Variants in AFM observed in about 807,000 individuals in gnomAD.
The protein encoded by AFM is afamin.
In AFM, 82 loss-of-function variants were observed where a neutral mutation model predicts 68.7. The ratio of observed to expected loss-of-function variants is 1.19; its 90% CI spans 1.00 to 1.43. The LOEUF is 1.43. Among genes scored for constraint, AFM ranks in the 40% most tolerant of loss-of-function variants. The probability of loss-of-function intolerance (pLI) is 0.00; values close to 1 mark genes in which losing one functional copy is unlikely to be tolerated. For synonymous variants in AFM, 250 were observed against 234.2 expected (o/e 1.07, Z -0.61); for missense variants, 772 against 701.8 (o/e 1.10, Z -1.13).
intron 12 of AFM, among the ~76,000 whole-genome samples, chr4:73,500,992 G>T (rs1269726306): frequency 6.6e-6 from 1 of 152,036 alleles, no homozygotes; most frequent in East Asian, 1.9e-4. Flanking sequence ...TTAGATCGAA[G>T]GATGGGCATA....
At chr4:73,486,330 A>T (rs1315766779) in intron 4 of AFM, among the ~76,000 whole-genome samples, 2 of 152,218 alleles carry the variant, frequency 1.3e-5, no homozygotes, top group African/African-American at 4.8e-5. Context: ...AGAGGTGTGT[A>T]CATGGTGTTA....
chr4:73,488,535 CT>C, intron 6 of AFM, 94 bp from the exon 7 acceptor site: 1 of 1,118,224 alleles, frequency 8.9e-7, no homozygotes, highest in Non-Finnish European at 1.3e-6. Flanking sequence ...GGTGGCAATA[CT>C]TTTTGTAGCT....
intron 9 of AFM, among the ~76,000 whole-genome samples, chr4:73,496,557 G>C (rs1170766099): frequency 6.6e-6 from 1 of 152,184 alleles, no homozygotes; most frequent in Non-Finnish European, 1.5e-5. Context: ...CCCCACAACA[G>C]TGCTTGGAAA....
chr4:73,503,833 T>G (rs1577983261), intron 14 of AFM, 43 bp from the exon 15 acceptor site: 2 of 152,102 alleles, frequency 1.3e-5, no homozygotes, highest in African/African-American at 4.8e-5. Flanking sequence ...CTTTCAACAT[T>G]TCATGTTTTT....
Position 73,487,280 on chromosome 4 carries a change from T to A in AFM, c.615+181T>A, listed in dbSNP as rs146193180. 1.4e-4 allele frequency among the ~76,000 whole-genome samples: 21 copies of A among 152,352 alleles called. No homozygotes were observed. The South Asian group carries it at 3.7e-3, about 27-fold the overall frequency. On this transcript the variant is annotated intron_variant, in intron 5 of 14. Transcript: ENST00000226355. ...TCTAAATATTCTCTTTACTTGAGAC[T>A]CTTGAATGACAGCCAGTCATTTTCA... is the stretch of plus-strand genomic sequence containing the variant.
At chr4:73,494,502 G>A (rs776414335) in intron 8 of AFM, among the ~76,000 whole-genome samples, 13 of 152,080 alleles carry the variant, frequency 8.5e-5, no homozygotes, top group South Asian at 2.1e-4. Flanking sequence ...AACATCCCAG[G>A]GGACTTAGGG....
Position 73,486,060 on chromosome 4 carries a change from T to A in AFM, c.469T>A (p.Ser157Thr), listed in dbSNP as rs78106538. ...CCAGGCTTATGAAAGTAACAGAGAA[T>A]CCCTTTTAAATCAGTAAGTTTAATC... ...KCQAYESNRE[S>T]LLNHFLYEVA... Residue 157 changes from serine (S) to threonine (T), a missense_variant, in exon 4 of 15, where the codon TCC becomes ACC. By Grantham distance (58) the Ser-to-Thr change is moderately conservative (BLOSUM62 1). Transcript: ENST00000226355. 1.5e-3 allele frequency: 2,383 copies of A among 1,613,542 alleles called. 24 individuals carry two copies. The African/African-American group carries it at 0.029, about 19-fold the overall frequency.
At chr4:73,482,274 A>G (rs1720736716) in intron 1 of AFM, among the ~76,000 whole-genome samples, 3 of 152,248 alleles carry the variant, frequency 2.0e-5, no homozygotes. Flanking sequence ...GGAATGCAGA[A>G]CCTAGTTCCT....
chr4:73,497,778 C>T (rs781477376), intron 10 of AFM, 29 bp downstream of exon 10: 15 of 1,384,344 alleles, frequency 1.1e-5, no homozygotes, highest in Non-Finnish European at 1.5e-5. Context: ...TGGGCTAACA[C>T]TTGCCACTAG....
In AFM at chr4:73,490,858, A is replaced by G. The variant is rs964989929; in HGVS notation, c.844-1014A>G. 2.6e-5 allele frequency among the ~76,000 whole-genome samples: 4 copies of G among 152,290 alleles called. No individual in the cohort carries two copies. The East Asian group carries it at 7.7e-4, about 29-fold the overall frequency. On this transcript the variant is annotated intron_variant, in intron 7 of 14. Coordinates refer to ENST00000226355, the MANE Select transcript of AFM (RefSeq NM_001133.2). ...TAGAACAATGCTGGCATTACATGAGATGTAAATGTCTTTTTGAAGATTGGC... is the reference window on the plus strand; with the variant it reads ...TAGAACAATGCTGGCATTACATGAGGTGTAAATGTCTTTTTGAAGATTGGC...
At chr4:73,493,264 A>T (rs1003620021) in intron 8 of AFM, among the ~76,000 whole-genome samples, 1 of 152,212 alleles carries the variant, frequency 6.6e-6, no homozygotes, top group African/African-American at 2.4e-5. Context: ...TGGAAGAATG[A>T]GGAAGGACAA....
In AFM at chr4:73,486,012, ACCCTGGAT is replaced by A; in HGVS notation, c.425_432del (p.Leu142ArgfsTer8). On this transcript the variant is annotated frameshift_variant, in exon 4 of 15. Transcript: ENST00000226355. LOFTEE classifies it high-confidence loss of function. ...TGTGGGATTTCTGCCTCCTTTCCCT[ACCCTGGAT>A]CCCGAAGAGAAATGCCAGGCTTATG... The A allele has an allele frequency of 6.2e-7, 1 of 1,614,046 alleles. No homozygotes were observed. The highest frequency in any genetic ancestry group is 2.2e-5 in the East Asian group (1 of 44,876).
chr4:73,502,432 A>AG (rs1160446302), intron 13 of AFM, among the ~76,000 whole-genome samples: 1 of 146,648 alleles, frequency 6.8e-6, no homozygotes, highest in African/African-American at 2.8e-5. Flanking sequence ...GTGGAGGGTA[A>AG]GGGTAGTCAG....
intron 7 of AFM, among the ~76,000 whole-genome samples, chr4:73,490,187 CAA>C (rs374246384): frequency 6.8e-4 from 63 of 92,640 alleles, no homozygotes; most frequent in Admixed American, 1.4e-3. Flanking sequence ...AACCTTATTT[CAA>C]AAAAAAAAAA....
At chr4:73,493,563 C>T (rs1560412016) in intron 8 of AFM, among the ~76,000 whole-genome samples, 2 of 152,116 alleles carry the variant, frequency 1.3e-5, no homozygotes, top group East Asian at 3.8e-4. Context: ...TTTTAAGTGC[C>T]TCTCATCTAC....
intron 8 of AFM, among the ~76,000 whole-genome samples, chr4:73,494,865 G>C (rs1002206854): frequency 2.0e-5 from 3 of 152,198 alleles, no homozygotes; most frequent in Non-Finnish European, 2.9e-5. Flanking sequence ...AATGGGCAAA[G>C]CTTGCTCCCT....
rs1362454768 is a variant in AFM at position 73,486,003 on chromosome 4, C to T, written c.412C>T (p.Pro138Ser). The change falls in exon 4 of 15, where the codon CCT (proline) becomes TCT (serine). Residue 138 changes from proline (P) to serine (S), a missense_variant. Transcript: ENST00000226355. ...GAAATCTGATGTGGGATTTCTGCCT[C>T]CTTTCCCTACCCTGGATCCCGAAGA... ...NKKSDVGFLP[P>S]FPTLDPEEKC... The T allele has an allele frequency of 6.2e-7, 1 of 1,613,962 alleles. No individual in the cohort carries two copies. The highest frequency in any genetic ancestry group is 1.3e-5 in the African/African-American group (1 of 74,964).
intron 12 of AFM, among the ~76,000 whole-genome samples, chr4:73,501,404 T>A (rs1455651061): frequency 6.6e-6 from 1 of 152,158 alleles, no homozygotes; most frequent in African/African-American, 2.4e-5. Context: ...ACAATTCTCC[T>A]CTTCTAGCTA....
chr4:73,483,781 T>C (rs1364312844), intron 1 of AFM, among the ~76,000 whole-genome samples, 160 bp from the exon 2 acceptor site: 1 of 152,256 alleles, frequency 6.6e-6, no homozygotes, highest in Non-Finnish European at 1.5e-5. Context: ...TCCTATTTTG[T>C]TCACATGACT....
Sources: allele counts gnomAD v4.1 joint callset (sites outside exome capture counted in the v4.1 genomes callset), GRCh38; gene constraint gnomAD v4.1.1; transcripts MANE v1.5; gene names NCBI Gene and HGNC (gene_info 2026-07-23, HGNC 2026-07-21).